Variants in WNK1 observed in about 807,000 individuals in gnomAD.
WNK1 encodes serine/threonine-protein kinase WNK1.
In WNK1, 38 loss-of-function variants were observed where a neutral mutation model predicts 222.8. That is an observed-to-expected ratio of 0.17 (90% CI 0.13 to 0.22). WNK1 has a LOEUF of 0.22. Ranked by LOEUF, WNK1 falls within the 10% of genes least tolerant of loss-of-function variation. The pLI is 1.00. For missense variants in WNK1, 2,348 were observed against 2,918.4 expected (o/e 0.80, Z 4.50); for synonymous variants, 1,090 against 1,092.9 (o/e 1.00, Z 0.05).
At chr12:774,186 T>C (rs1942855238) in intron 1 of WNK1, among the ~76,000 whole-genome samples, 1 of 152,222 alleles carries the variant, frequency 6.6e-6, no homozygotes, top group Admixed American at 6.5e-5. Flanking sequence ...TTACAGAGAA[T>C]ATTGGGTAAT....
chr12:896,861 A>C (rs979791595), intron 24 of WNK1, 129 bp downstream of exon 24: 1 of 980,160 alleles, frequency 1.0e-6, no homozygotes, highest in Non-Finnish European at 1.5e-6. Context: ...ACAGTGCCAC[A>C]GAAGCCCCAC....
chr12:871,704 G>A (rs964803222), intron 9 of WNK1, among the ~76,000 whole-genome samples: 1 of 152,046 alleles, frequency 6.6e-6, no homozygotes, highest in South Asian at 2.1e-4. Context: ...CCAGGTTCAA[G>A]CAGTCCTCCT....
intron 21 of WNK1, 138 bp downstream of exon 21, chr12:889,361 G>A (rs1167261650): frequency 4.4e-5 from 34 of 764,874 alleles, no homozygotes; most frequent in Non-Finnish European, 6.8e-5. Flanking sequence ...CAAAAGAAAT[G>A]AGACTGATTA....
At chr12:850,945 C>A (rs1950376030) in intron 4 of WNK1, among the ~76,000 whole-genome samples, 1 of 152,126 alleles carries the variant, frequency 6.6e-6, no homozygotes, top group African/African-American at 2.4e-5. Context: ...GTTTTGGTAC[C>A]AGTACCATGC....
In WNK1 at chr12:881,990, A is replaced by G. The variant is rs1953207188; in HGVS notation, c.3289A>G (p.Thr1097Ala). Residue 1097 changes from threonine (T) to alanine (A), a missense_variant, in exon 14 of 28, where the codon ACT (threonine) becomes GCT (alanine). Thr to Ala is a moderately conservative substitution (Grantham distance 58, BLOSUM62 0). Transcript: ENST00000315939. The stretch of plus-strand genomic sequence containing the variant: ...TTCCAGTGGAAGGCATGAAGGAAGA[A>G]CTACAAAACGGCATTACCGAAAATC... ...PSSSGRHEGR[T>A]TKRHYRKSVR... 1 of 1,614,112 alleles carries G rather than the reference A, an allele frequency of 6.2e-7. No individual in the cohort carries two copies. Among genetic ancestry groups the G allele is most frequent in the Non-Finnish European group, 8.5e-7 (1 of 1,180,042 alleles).
intron 1 of WNK1, among the ~76,000 whole-genome samples, chr12:800,421 G>T (rs1945761879): frequency 1.3e-5 from 2 of 151,890 alleles, no homozygotes; most frequent in African/African-American, 4.8e-5. Context: ...TGCTATATGG[G>T]TGTTAATAAT....
chr12:838,197 C>T (rs7311746), intron 4 of WNK1, among the ~76,000 whole-genome samples: 64,400 of 151,688 alleles, frequency 0.42, 15,288 homozygotes, highest in East Asian at 0.81. Flanking sequence ...AGAGCTGCTA[C>T]GAAGAATATT....
At chr12:834,030 T>G (rs887145472) in intron 4 of WNK1, among the ~76,000 whole-genome samples, 2 of 152,174 alleles carry the variant, frequency 1.3e-5, no homozygotes, top group African/African-American at 4.8e-5. Context: ...TGGATAACCC[T>G]GCTATGGATT....
At chr12:823,054 G>A (rs1948035074) in intron 2 of WNK1, among the ~76,000 whole-genome samples, 1 of 151,760 alleles carries the variant, frequency 6.6e-6, no homozygotes, top group Non-Finnish European at 1.5e-5. Flanking sequence ...CAGTCTTCAG[G>A]TTTTTTTTGG....
intron 2 of WNK1, among the ~76,000 whole-genome samples, chr12:815,178 G>A (rs1947247073): frequency 6.6e-6 from 1 of 152,166 alleles, no homozygotes; most frequent in African/African-American, 2.4e-5. Context: ...ATTGATCTGT[G>A]GCTCAGTGGT....
At chr12:867,668 G>C (rs1177083145) in intron 8 of WNK1, 1 of 619,214 alleles carries the variant, frequency 1.6e-6, no homozygotes, top group Non-Finnish European at 2.8e-6. Flanking sequence ...AGAGCCCACA[G>C]ATTGATTTCA....
At chr12:908,090 A>G in intron 27 of WNK1, 56 bp downstream of exon 27, 2 of 1,589,270 alleles carry the variant, frequency 1.3e-6, no homozygotes, top group Non-Finnish European at 1.7e-6. Context: ...TCAAGGTGAT[A>G]GAAACAACTA....
Position 879,597 on chromosome 12 carries a change from A to C in WNK1, c.2398A>C (p.Thr800Pro). ...GCTTCCAGTTTCCCAGCCAGTACCAACTATCCAAGGCGAACCTCAGATCCC... is the reference window on the plus strand; with the variant it reads ...GCTTCCAGTTTCCCAGCCAGTACCACCTATCCAAGGCGAACCTCAGATCCC... ...KQLPVSQPVPTIQGEPQIPVA... is the reference protein window; with the variant it reads ...KQLPVSQPVPPIQGEPQIPVA... Residue 800 changes from threonine to proline, a missense_variant, in exon 11 of 28, where the codon ACT becomes CCT. Physicochemically the swap from Thr to Pro is conservative, Grantham distance 38. This residue lies in a region of WNK1 where 547 missense variants were observed against 558.3 expected (regional missense o/e 0.98). Coordinates refer to ENST00000315939, the MANE Select transcript of WNK1 (RefSeq NM_018979.4). The C allele has an allele frequency of 1.9e-6, 3 of 1,606,516 alleles. No homozygotes were observed. The highest frequency in any genetic ancestry group is 2.5e-6 in the Non-Finnish European group (3 of 1,178,986).
rs754710914 is a variant in WNK1, at chr12:760,628, C to T, written c.759+6304C>T. Reference sequence around the variant, plus strand: ...TTAGTTGGATTTTAGGAGCTTTTTGCTTTGTCAACTTAATTTCTCAAATCT... The same window carrying T: ...TTAGTTGGATTTTAGGAGCTTTTTGTTTTGTCAACTTAATTTCTCAAATCT... On this transcript the variant is annotated intron_variant, in intron 1 of 27. Coordinates refer to ENST00000315939, the MANE Select transcript of WNK1 (RefSeq NM_018979.4). 2.6e-4 allele frequency among the ~76,000 whole-genome samples: 39 copies of T among 147,874 alleles called. 5 individuals are homozygous for T. Among genetic ancestry groups the T allele is most frequent in the Non-Finnish European group, 3.0e-4 (20 of 66,158 alleles).
chr12:869,849 C>G (rs1385686360), intron 8 of WNK1, among the ~76,000 whole-genome samples: 1 of 151,220 alleles, frequency 6.6e-6, no homozygotes, highest in Non-Finnish European at 1.5e-5. Flanking sequence ...TGATATGTTG[C>G]AAGCTAAGGA....
intron 6 of WNK1, among the ~76,000 whole-genome samples, chr12:860,401 C>T (rs560234963): frequency 6.6e-6 from 1 of 152,132 alleles, no homozygotes; most frequent in Non-Finnish European, 1.5e-5. Context: ...CCCAAAATAG[C>T]TGATTATTAT....
At position 881,719 on chromosome 12, in the gene WNK1, C is replaced by T; in HGVS notation, c.3139C>T (p.Pro1047Ser). 2 of 1,614,144 alleles carry T rather than the reference C, an allele frequency of 1.2e-6. No individual in the cohort carries two copies. The highest frequency in any genetic ancestry group is 1.7e-6 in the Non-Finnish European group (2 of 1,180,012). The change falls in exon 13 of 28, where the codon CCT becomes TCT. Residue 1047 changes from proline to serine, a missense_variant. This residue lies in a region of WNK1 where 547 missense variants were observed against 558.3 expected (regional missense o/e 0.98). Transcript: ENST00000315939. ...TACTCAGGGAGTCTCTCAGGTTGCT[C>T]CTGCAGAGCCAGTTGCAGTAGCACA... The part of the protein sequence containing the change: ...ESTQGVSQVA[P>S]AEPVAVAQTQ...
At chr12:809,989 C>T (rs919869033) in intron 1 of WNK1, among the ~76,000 whole-genome samples, 2 of 152,142 alleles carry the variant, frequency 1.3e-5, no homozygotes, top group Non-Finnish European at 2.9e-5. Flanking sequence ...CGGTGGCTCA[C>T]GTCTGTAATC....
rs1339156354 is a variant in WNK1 at position 840,324 on chromosome 12, G to T, written c.1311+10164G>T. Among the ~76,000 whole-genome samples, 4 of 145,200 alleles carry T rather than the reference G, an allele frequency of 2.8e-5. No individual in the cohort carries two copies. The Admixed American group carries it at 2.8e-4, about 10-fold the overall frequency. ...TTTTTTTTTTTTTTGTAGAGGTGGGGTCTCACTATGTTGCCCATGCTGGTC... is the reference window on the plus strand; with the variant it reads ...TTTTTTTTTTTTTTGTAGAGGTGGGTTCTCACTATGTTGCCCATGCTGGTC... On this transcript the variant is annotated intron_variant, in intron 4 of 27. Coordinates refer to ENST00000315939, the MANE Select transcript of WNK1 (RefSeq NM_018979.4).
Sources: allele counts gnomAD v4.1 joint callset (sites outside exome capture counted in the v4.1 genomes callset), GRCh38; gene constraint gnomAD v4.1.1; regional missense constraint gnomAD v4.1.1; transcripts MANE v1.5; gene names NCBI Gene and HGNC (gene_info 2026-07-23, HGNC 2026-07-21).